LYG1: variants seen among roughly 807,000 people sequenced by gnomAD.
LYG1 encodes lysozyme g-like protein 1.
Under a neutral mutation model 21.7 loss-of-function variants are expected in LYG1, and 17 were observed. The ratio of observed to expected loss-of-function variants is 0.78; its 90% CI spans 0.54 to 1.18. The LOEUF is 1.18. Among genes scored for constraint, LYG1 ranks in the 50% most tolerant of loss-of-function variants. The pLI, the probability that LYG1 is intolerant of heterozygous loss-of-function variation, is 0.00. For missense variants in LYG1, 211 were observed against 238.1 expected (o/e 0.89, Z 0.75); for synonymous variants, 81 against 87.4 (o/e 0.93, Z 0.41).
chr2:99,284,547 G>A lies in LYG1; in HGVS notation c.467-36C>T, dbSNP rs150369949. The A allele has an allele frequency of 2.7e-3, 4,359 of 1,598,476 alleles. 7 individuals are homozygous for A. Among genetic ancestry groups the A allele is most frequent in the Non-Finnish European group, 3.2e-3 (3,743 of 1,167,398 alleles). ...TGAGATAGGTTAATGCTGACCTAGG[G>A]TACTCAGCAGTTAACTCTGATTCTC... On this transcript the variant is annotated intron_variant, in intron 6 of 6. Coordinates refer to ENST00000308528, the MANE Select transcript of LYG1 (RefSeq NM_174898.3).
intron 4 of LYG1, 130 bp downstream of exon 4, chr2:99,292,406 T>G: frequency 1.5e-6 from 1 of 674,460 alleles, no homozygotes; most frequent in Non-Finnish European, 2.6e-6. Context: ...CAGGGGCAGC[T>G]AAGTGACTTG....
chr2:99,290,826 T>C (rs1219156524), intron 5 of LYG1, among the ~76,000 whole-genome samples: 1 of 152,254 alleles, frequency 6.6e-6, no homozygotes, highest in African/African-American at 2.4e-5. Context: ...GGTACTTTTT[T>C]GCATTGTTTC....
chr2:99,288,873 A>G (rs1209512487), intron 5 of LYG1, among the ~76,000 whole-genome samples: 1 of 152,014 alleles, frequency 6.6e-6, no homozygotes, highest in Non-Finnish European at 1.5e-5. Context: ...TGCCCAGCCT[A>G]TTTTGTAACC....
chr2:99,291,451 C>G, intron 4 of LYG1, 30 bp from the exon 5 acceptor site: 1 of 1,607,888 alleles, frequency 6.2e-7, no homozygotes, highest in Non-Finnish European at 8.5e-7. Context: ...AATGATGCAG[C>G]TTGTTGTGAC....
At chr2:99,304,146 G>A (rs548648118), upstream of LYG1, among the ~76,000 whole-genome samples, 5 of 151,842 alleles carry the variant, frequency 3.3e-5, no homozygotes, top group East Asian at 9.8e-4. Context: ...ATTTGGCTCT[G>A]TCCCCACCAA....
chr2:99,291,093 T>C, intron 5 of LYG1, 144 bp downstream of exon 5: 1 of 682,600 alleles, frequency 1.5e-6, no homozygotes, highest in South Asian at 2.4e-5. Context: ...TTGCTGCTCA[T>C]ATCTCTCAGG....
chr2:99,292,509 G>T, intron 4 of LYG1, 27 bp downstream of exon 4: 27 of 1,545,514 alleles, frequency 1.7e-5, no homozygotes, highest in Non-Finnish European at 2.4e-5. Context: ...CGGGGGATAG[G>T]TTGAGAGGGC....
intron 1 of LYG1, among the ~76,000 whole-genome samples, chr2:99,299,243 T>G (rs1176479947): frequency 6.6e-6 from 1 of 151,008 alleles, no homozygotes; most frequent in Non-Finnish European, 1.5e-5. Context: ...TTTTTTTCTT[T>G]TTCTTTTCTT....
chr2:99,293,512 C>A (rs1413392910), intron 3 of LYG1, among the ~76,000 whole-genome samples: 2 of 152,182 alleles, frequency 1.3e-5, no homozygotes, highest in African/African-American at 2.4e-5. Flanking sequence ...CCTAAGGCTG[C>A]AGAAGGGAGT....
intron 3 of LYG1, among the ~76,000 whole-genome samples, chr2:99,292,985 CTTTT>C (rs70940159): frequency 1.9e-4 from 16 of 83,160 alleles, no homozygotes; most frequent in Middle Eastern, 0.013. Context: ...CCTCATCTTA[CTTTT>C]TTTTTTTTTT....
At position 99,284,399 on chromosome 2, in the gene LYG1, G is replaced by C; in HGVS notation, c.579C>G (p.Gly193=). ...LARAKYLKRH[G]F is the part of the protein sequence containing the mutation. ...TTGGGTTTCATCTGAGATGTTAGAA[G>C]CCATGTCTCTTGAGGTACTTGGCTC... is the stretch of plus-strand genomic sequence containing the variant. Residue 193 remains glycine (G), a synonymous_variant, in exon 7 of 7, where the codon GGC becomes GGG. Coordinates refer to ENST00000308528, the MANE Select transcript of LYG1 (RefSeq NM_174898.3). 1 of 1,613,904 alleles carries C rather than the reference G, an allele frequency of 6.2e-7. No individual in the cohort carries two copies. The highest frequency in any genetic ancestry group is 8.5e-7 in the Non-Finnish European group (1 of 1,179,788).
chr2:99,290,996 C>T (rs899499946), intron 5 of LYG1, among the ~76,000 whole-genome samples: 2 of 152,136 alleles, frequency 1.3e-5, no homozygotes, highest in African/African-American at 4.8e-5. Context: ...GTCCAGAAAT[C>T]CAGAATAGGG....
chr2:99,288,278 G>A (rs2094107556), intron 5 of LYG1, among the ~76,000 whole-genome samples: 1 of 151,864 alleles, frequency 6.6e-6, no homozygotes. Flanking sequence ...ATATATCATA[G>A]TTATCAACAT....
chr2:99,298,222 A>AC (rs1215433644), intron 2 of LYG1, among the ~76,000 whole-genome samples: 1 of 152,100 alleles, frequency 6.6e-6, no homozygotes, highest in East Asian at 1.9e-4. Flanking sequence ...CCTGCTTAAA[A>AC]CCATTATGAA....
At chr2:99,285,917 T>C (rs1377563994) in intron 5 of LYG1, among the ~76,000 whole-genome samples, 1 of 152,224 alleles carries the variant, frequency 6.6e-6, no homozygotes, top group Non-Finnish European at 1.5e-5. Context: ...ATTTGAATGC[T>C]TGTCCCTTGT....
At chr2:99,284,841 A>T (rs1232912836) in intron 5 of LYG1, 21 bp from the exon 6 acceptor site, 3 of 1,610,936 alleles carry the variant, frequency 1.9e-6, no homozygotes, top group Non-Finnish European at 2.5e-6. Flanking sequence ...GGAGGCAGAG[A>T]AGAAGCCACG....
intron 1 of LYG1, among the ~76,000 whole-genome samples, chr2:99,299,856 C>T (rs1559225222): frequency 6.6e-6 from 1 of 151,032 alleles, no homozygotes; most frequent in Non-Finnish European, 1.5e-5. Context: ...TTACCAGTAG[C>T]ATCATGTCGT....
upstream of LYG1, among the ~76,000 whole-genome samples, chr2:99,302,176 T>C (rs992461976): frequency 1.3e-5 from 2 of 152,194 alleles, no homozygotes; most frequent in African/African-American, 4.8e-5. Flanking sequence ...CTCTGCATGA[T>C]ACATATTAGA....
intron 5 of LYG1, among the ~76,000 whole-genome samples, chr2:99,285,496 G>T (rs1376876627): frequency 1.3e-5 from 2 of 152,110 alleles, no homozygotes; most frequent in African/African-American, 2.4e-5. Flanking sequence ...TATGCTCATT[G>T]TAAGAGTGAA....
Sources: allele counts gnomAD v4.1 joint callset (sites outside exome capture counted in the v4.1 genomes callset), GRCh38; gene constraint gnomAD v4.1.1; transcripts MANE v1.5; gene names NCBI Gene and HGNC (gene_info 2026-07-23, HGNC 2026-07-21).